PRELID2: variants seen among roughly 807,000 people sequenced by gnomAD.
The protein encoded by PRELID2 is PRELI domain-containing protein 2.
Under a neutral mutation model 28.4 loss-of-function variants are expected in PRELID2, and 25 were observed. That is an observed-to-expected ratio of 0.88 (90% CI 0.64 to 1.23). The LOEUF is 1.23. Among genes scored for constraint, PRELID2 ranks in the 50% most tolerant of loss-of-function variants. PRELID2 has a pLI of 0.00. For synonymous variants in PRELID2, 76 were observed against 71.6 expected (o/e 1.06, Z -0.31); for missense variants, 201 against 214.4 (o/e 0.94, Z 0.39).
intron 5 of PRELID2, among the ~76,000 whole-genome samples, chr5:145,770,965 T>C (rs1758066727): frequency 1.3e-5 from 2 of 152,176 alleles, no homozygotes; most frequent in South Asian, 4.1e-4. Flanking sequence ...AAATGTAGTG[T>C]AGCCTAAGTG....
chr5:145,672,941 G>C (rs1754738122), intron 1 of PRELID2, among the ~76,000 whole-genome samples: 1 of 151,996 alleles, frequency 6.6e-6, no homozygotes, highest in African/African-American at 2.4e-5. Context: ...TGAAACCCAG[G>C]ATAGCACAGC....
At chr5:145,813,245 C>G (rs1754072242) in intron 4 of PRELID2, among the ~76,000 whole-genome samples, 1 of 152,190 alleles carries the variant, frequency 6.6e-6, no homozygotes, top group African/African-American at 2.4e-5. Flanking sequence ...AGCCATTACT[C>G]TCAGATTTCC....
At chr5:145,822,120 T>C (rs1754871584) in intron 2 of PRELID2, among the ~76,000 whole-genome samples, 1 of 152,194 alleles carries the variant, frequency 6.6e-6, no homozygotes, top group Non-Finnish European at 1.5e-5. Flanking sequence ...TAGCATCTCA[T>C]GATTCCTAAG....
chr5:145,515,053 G>A (rs59890823), intron 1 of PRELID2, among the ~76,000 whole-genome samples: 3,112 of 152,126 alleles, frequency 0.02, 106 homozygotes, highest in African/African-American at 0.072. Flanking sequence ...AGGACAAAGC[G>A]GGAAAGACCT....
At chr5:145,524,915 C>T (rs1752595129) in intron 1 of PRELID2, among the ~76,000 whole-genome samples, 1 of 152,160 alleles carries the variant, frequency 6.6e-6, no homozygotes, top group Admixed American at 6.5e-5. Flanking sequence ...GCACATCGGA[C>T]CCCTACCACG....
chr5:145,620,815 A>G (rs1753763525), intron 1 of PRELID2, among the ~76,000 whole-genome samples: 1 of 152,062 alleles, frequency 6.6e-6, no homozygotes, highest in East Asian at 1.9e-4. Context: ...TCGGAGTAAG[A>G]CCCTGTTACA....
chr5:145,398,502 T>C, the PRELID2 span, among the ~76,000 whole-genome samples: 1 of 152,106 alleles, frequency 6.6e-6, no homozygotes, highest in Non-Finnish European at 1.5e-5. Context: ...ACCCTCTGCA[T>C]ACCAGTTTTC....
the PRELID2 span, among the ~76,000 whole-genome samples, chr5:145,412,401 A>T: frequency 1.3e-5 from 2 of 152,210 alleles, no homozygotes; most frequent in Non-Finnish European, 2.9e-5. Context: ...CTCTTTGCAT[A>T]GCAAGAATAG....
At chr5:145,248,178 T>C in the PRELID2 span, among the ~76,000 whole-genome samples, 1 of 152,086 alleles carries the variant, frequency 6.6e-6, no homozygotes. Context: ...TAAGTACAAA[T>C]GCAAAATTCC....
the PRELID2 span, among the ~76,000 whole-genome samples, chr5:145,450,159 T>C: frequency 2.0e-5 from 3 of 152,160 alleles, no homozygotes; most frequent in African/African-American, 4.8e-5. Flanking sequence ...CAATCAAAAG[T>C]CATGTCTTTG....
intron 1 of PRELID2, among the ~76,000 whole-genome samples, chr5:145,618,539 A>G (rs1753731519): frequency 6.6e-6 from 1 of 152,146 alleles, no homozygotes; most frequent in South Asian, 2.1e-4. Flanking sequence ...TGAACCATCT[A>G]TGGGTTTCTC....
intron 1 of PRELID2, among the ~76,000 whole-genome samples, chr5:145,519,947 T>C (rs963799531): frequency 6.6e-6 from 1 of 152,220 alleles, no homozygotes; most frequent in African/African-American, 2.4e-5. Flanking sequence ...TTCCAAATCA[T>C]ACTTATGCTC....
chr5:145,444,376 A>G, the PRELID2 span, among the ~76,000 whole-genome samples: 3 of 152,020 alleles, frequency 2.0e-5, no homozygotes, highest in Non-Finnish European at 4.4e-5. Flanking sequence ...CCCCATGGCC[A>G]AGGGTATTTC....
the PRELID2 span, among the ~76,000 whole-genome samples, chr5:145,309,752 G>A: frequency 6.6e-6 from 1 of 152,124 alleles, no homozygotes; most frequent in Non-Finnish European, 1.5e-5. Flanking sequence ...TCAGTAACTT[G>A]CACAAATTAT....
intron 1 of PRELID2, among the ~76,000 whole-genome samples, chr5:145,691,092 T>G (rs557981318): frequency 6.6e-6 from 1 of 152,342 alleles, no homozygotes; most frequent in East Asian, 1.9e-4. Context: ...ATAATAATCT[T>G]GTCAACTCTC....
At chr5:145,743,310 C>T (rs993366961) in intron 1 of PRELID2, among the ~76,000 whole-genome samples, 1 of 149,312 alleles carries the variant, frequency 6.7e-6, no homozygotes. Context: ...ACTCGGGAGG[C>T]TGAGGCAGGA....
intron 1 of PRELID2, among the ~76,000 whole-genome samples, chr5:145,678,705 A>G (rs1391551946): frequency 6.6e-6 from 1 of 152,196 alleles, no homozygotes; most frequent in African/African-American, 2.4e-5. Flanking sequence ...TGATTTTAAA[A>G]TTCATTTGCT....
At chr5:145,725,975 G>A (rs527649905) in intron 1 of PRELID2, among the ~76,000 whole-genome samples, 11 of 152,144 alleles carry the variant, frequency 7.2e-5, no homozygotes, top group Middle Eastern at 3.4e-3. Context: ...TTGAGCCCAG[G>A]AGTTTGAGAC....
At chr5:145,770,406 C>T (rs1219491218) in intron 5 of PRELID2, among the ~76,000 whole-genome samples, 1 of 151,930 alleles carries the variant, frequency 6.6e-6, no homozygotes, top group Non-Finnish European at 1.5e-5. Flanking sequence ...TGTAGTCTTA[C>T]CTACTTAGGA....
Sources: gnomAD v4.1 joint callset for allele counts (sites outside exome capture counted in the v4.1 genomes callset) on GRCh38, gnomAD v4.1.1 for gene constraint, MANE v1.5 for transcripts, NCBI Gene and HGNC (gene_info 2026-07-23, HGNC 2026-07-21) for gene names.